DMD: variants seen among roughly 807,000 people sequenced by gnomAD.
DMD encodes the protein mutant dystrophin.
In DMD, 63 loss-of-function variants were observed where a neutral mutation model predicts 330.1. That is an observed-to-expected ratio of 0.19 (90% CI 0.16 to 0.24). DMD has a LOEUF of 0.24. Among genes scored for constraint, DMD ranks in the 10% least tolerant of loss-of-function variants. DMD has a pLI of 1.00. For missense variants in DMD, 3,344 were observed against 2,684.1 expected, an observed-to-expected ratio of 1.25 and a Z score of -5.43; for synonymous variants, 1,223 against 959.8, an observed-to-expected ratio of 1.27 and a Z score of -5.07.
chrX:32,421,538 G>A (rs1337313473), intron 29 of DMD, among the ~76,000 whole-genome samples: 3 of 111,738 alleles, frequency 2.7e-5, no homozygotes, highest in Admixed American at 9.5e-5. Context: ...TGAGCATAGG[G>A]AACAGATAAA....
At chrX:33,317,801 TAG>T (rs1315540607) in intron 1 of DMD, among the ~76,000 whole-genome samples, 3 of 111,661 alleles carry the variant, frequency 2.7e-5, no homozygotes, top group African/African-American at 6.5e-5. Context: ...CAAATTTATT[TAG>T]AGTCAGATAA....
intron 1 of DMD, among the ~76,000 whole-genome samples, chrX:33,203,659 T>G (rs901189315): frequency 9.2e-6 from 1 of 108,724 alleles, no homozygotes; most frequent in African/African-American, 3.4e-5. Context: ...TAGATGTGTC[T>G]TCTCTGATTT....
Position 32,849,803 on chromosome X carries a change from A to G in DMD, c.111T>C (p.Ile37=), listed in dbSNP as rs2080985273. Residue 37 remains isoleucine (I), a synonymous_variant, in exon 3 of 79, where the codon ATT becomes ATC. Coordinates refer to ENST00000357033, the MANE Select transcript of DMD (RefSeq NM_004006.3). ...CCTGTAGGTCACTGAAGAGGTTCTC[A>G]ATATGCTGCTTCCCAAACTGAAATT... ...AQFSKFGKQH[I]ENLFSDLQDG... The G allele has an allele frequency of 8.3e-7, 1 of 1,202,170 alleles. No individual in the cohort carries two copies. Among genetic ancestry groups the G allele is most frequent in the Non-Finnish European group, 1.1e-6 (1 of 887,987 alleles).
intron 7 of DMD, among the ~76,000 whole-genome samples, chrX:32,731,945 C>T (rs1402930541): frequency 1.8e-5 from 2 of 111,969 alleles, no homozygotes; most frequent in African/African-American, 6.5e-5. Context: ...AAGAAGGCTT[C>T]AGACGATCAA....
Position 33,136,661 on chromosome X carries a change from G to A in DMD, c.31+74621C>T, listed in dbSNP as rs62593456. ...CCAAGGGAACTTGTTTGCCCTTCCAGTATGTGAGGGTAAAGGAAGAAGGCA... is the reference window on the plus strand; with the variant it reads ...CCAAGGGAACTTGTTTGCCCTTCCAATATGTGAGGGTAAAGGAAGAAGGCA... On this transcript the variant is annotated intron_variant, in intron 1 of 78. Coordinates refer to ENST00000357033, the MANE Select transcript of DMD (RefSeq NM_004006.3). Among the ~76,000 whole-genome samples the A allele has an allele frequency of 9.0e-3, 992 of 110,579 alleles. 9 individuals carry two copies. Among genetic ancestry groups the A allele is most frequent in the Non-Finnish European group, 0.016 (845 of 52,999 alleles).
At chrX:31,624,229 A>G (rs1049577569) in intron 55 of DMD, among the ~76,000 whole-genome samples, 4 of 112,002 alleles carry the variant, frequency 3.6e-5, no homozygotes, top group African/African-American at 9.7e-5. Flanking sequence ...TCCAGTTAGC[A>G]TATCAGAAAT....
At chrX:31,558,106 G>T (rs2074960848) in intron 55 of DMD, among the ~76,000 whole-genome samples, 1 of 112,276 alleles carries the variant, frequency 8.9e-6, no homozygotes, top group South Asian at 3.7e-4. Flanking sequence ...AGTGTCATGT[G>T]AATTATCTAA....
intron 44 of DMD, among the ~76,000 whole-genome samples, chrX:31,992,236 T>C (rs2095556048): frequency 8.9e-6 from 1 of 112,007 alleles, no homozygotes; most frequent in African/African-American, 3.2e-5. Flanking sequence ...TTGGAATGAC[T>C]TACGGTTTTG....
At chrX:32,564,878 T>C (rs1362468906) in intron 16 of DMD, among the ~76,000 whole-genome samples, 1 of 111,801 alleles carries the variant, frequency 8.9e-6, no homozygotes, top group East Asian at 2.8e-4. Context: ...ATCTATTGAA[T>C]ATGGAAGTGT....
At chrX:32,008,516 C>T (rs1359700913) in intron 44 of DMD, among the ~76,000 whole-genome samples, 2 of 111,734 alleles carry the variant, frequency 1.8e-5, no homozygotes, top group East Asian at 2.8e-4. Context: ...ATGTAAACAA[C>T]GTGCTTTGCC....
At chrX:32,695,581 T>G (rs2063590114) in intron 9 of DMD, among the ~76,000 whole-genome samples, 1 of 111,262 alleles carries the variant, frequency 9.0e-6, no homozygotes, top group Admixed American at 9.6e-5. Flanking sequence ...CATAATAAAC[T>G]TCACTTGGAG....
chrX:31,879,255 AAC>A lies in DMD; in HGVS notation c.6913-3884_6913-3883del, dbSNP rs906006739. ...TGGCAGAAGGCAAAGGAGAAGCAAA[AAC>A]ACATTCTACATGGCAGCAGGGAAGA... is the stretch of plus-strand genomic sequence containing the variant. On this transcript the variant is annotated intron_variant, in intron 47 of 78. Transcript: ENST00000357033. 4.6e-5 allele frequency among the ~76,000 whole-genome samples: 5 copies of A among 109,598 alleles called. No individual in the cohort carries two copies. In the Admixed American group the frequency reaches 4.9e-4, roughly 11 times the overall value.
At chrX:32,178,929 G>T (rs2096916299) in intron 44 of DMD, among the ~76,000 whole-genome samples, 1 of 79,497 alleles carries the variant, frequency 1.3e-5, no homozygotes, top group African/African-American at 5.3e-5. Flanking sequence ...CCCTTCCATA[G>T]AAACCCCAGA....
chrX:31,556,621 G>T (rs2074852262), intron 55 of DMD, among the ~76,000 whole-genome samples: 1 of 107,861 alleles, frequency 9.3e-6, no homozygotes, highest in Non-Finnish European at 1.9e-5. Context: ...TATGATCAAA[G>T]AAATGTTGAA....
At chrX:33,337,459 A>T (rs1264548833) in intron 1 of DMD, among the ~76,000 whole-genome samples, 1 of 111,728 alleles carries the variant, frequency 9.0e-6, no homozygotes, top group East Asian at 2.8e-4. Flanking sequence ...GTTCTGTAAC[A>T]CACTATACAA....
chrX:32,255,343 T>G (rs1024804769), intron 43 of DMD, among the ~76,000 whole-genome samples: 2 of 110,512 alleles, frequency 1.8e-5, no homozygotes, highest in African/African-American at 6.8e-5. Context: ...TTTGTTAAAT[T>G]TTATTTTAAG....
chrX:32,105,584 T>C (rs2096560714), intron 44 of DMD, among the ~76,000 whole-genome samples: 1 of 112,047 alleles, frequency 8.9e-6, no homozygotes, highest in Non-Finnish European at 1.9e-5. Flanking sequence ...ATATTAATGA[T>C]TTAAACAAAA....
At chrX:32,965,131 CAGAGAGA>C (rs2092092943) in intron 2 of DMD, among the ~76,000 whole-genome samples, 1 of 111,280 alleles carries the variant, frequency 9.0e-6, no homozygotes, top group Admixed American at 9.6e-5. Flanking sequence ...ACAGAGACAA[CAGAGAGA>C]AGAGAGGAGT....
At chrX:32,261,807 G>A (rs766897204) in intron 43 of DMD, among the ~76,000 whole-genome samples, 2 of 111,482 alleles carry the variant, frequency 1.8e-5, no homozygotes. Context: ...CAAGAGACAT[G>A]TTTGTGATTT....
Sources: allele counts gnomAD v4.1 joint callset (sites outside exome capture counted in the v4.1 genomes callset), GRCh38; gene constraint gnomAD v4.1.1; transcripts MANE v1.5; gene names NCBI Gene and HGNC (gene_info 2026-07-23, HGNC 2026-07-21).